Variants in FAF1 observed in about 807,000 individuals in gnomAD.
FAF1 encodes FAS-associated factor 1.
A neutral mutation model predicts 92.5 loss-of-function variants in FAF1; 25 were observed. The observed-to-expected ratio is 0.27, with a 90% CI of 0.20 to 0.38. FAF1 has a LOEUF of 0.38. Among genes scored for constraint, FAF1 ranks in the 10% least tolerant of loss-of-function variants. The pLI, the probability that FAF1 is intolerant of heterozygous loss-of-function variation, is 1.00. For missense variants in FAF1, 636 were observed against 793.3 expected, an observed-to-expected ratio of 0.80 and a Z score of 2.38; for synonymous variants, 234 against 273.2, an observed-to-expected ratio of 0.86 and a Z score of 1.42.
chr1:50,928,782 C>CAAAAAAAAAAAAAAAA lies in FAF1; in HGVS notation c.45+30969_45+30984dup, dbSNP rs1157426126. ...CAGGCAACAGTGCGAGACTCCACCT[C>CAAAAAAAAAAAAAAAA]AAAAAAAAAAAAAAAAAAAACTAGG... On this transcript the variant is annotated intron_variant, in intron 1 of 18. Transcript: ENST00000396153. Among the ~76,000 whole-genome samples the CAAAAAAAAAAAAAAAA allele has an allele frequency of 9.0e-3, 356 of 39,684 alleles. 12 individuals carry two copies. Among genetic ancestry groups the CAAAAAAAAAAAAAAAA allele is most frequent in the East Asian group, 0.018 (21 of 1,160 alleles). 26.0% of individuals were successfully genotyped at this position (39,684 alleles called of 152,430 possible).
Position 50,801,611 on chromosome 1 carries a change from G to A in FAF1, c.161+20C>T, listed in dbSNP as rs753310757. ...TTGTTCTGCTAAGTCATCTTAACTG[G>A]TAAGCACTTTATAACATACCTTTGT... On this transcript the variant is annotated intron_variant, in intron 3 of 18. Transcript: ENST00000396153. 1.4e-6 allele frequency: 2 copies of A among 1,427,922 alleles called. No individual in the cohort carries two copies. Among genetic ancestry groups the A allele is most frequent in the South Asian group, 1.2e-5 (1 of 86,624 alleles). 88.5% of individuals were successfully genotyped at this position (1,427,922 alleles called of 1,614,324 possible).
chr1:50,457,423 C>T (rs183428279), intron 18 of FAF1, among the ~76,000 whole-genome samples: 23 of 152,262 alleles, frequency 1.5e-4, no homozygotes, highest in East Asian at 1.2e-3. Context: ...GGTTAATCTG[C>T]GCACATACAC....
chr1:50,687,931 C>T (rs533465131), intron 7 of FAF1, among the ~76,000 whole-genome samples: 35 of 151,652 alleles, frequency 2.3e-4, no homozygotes, highest in Non-Finnish European at 3.7e-4. Flanking sequence ...GTCAGGAGTT[C>T]GAGACCATCT....
intron 1 of FAF1, among the ~76,000 whole-genome samples, chr1:50,952,989 T>G: frequency 6.6e-6 from 1 of 152,230 alleles, no homozygotes; most frequent in East Asian, 1.9e-4. Flanking sequence ...GAGATGGGAT[T>G]GTTGCTGTGT....
At chr1:50,614,944 G>A (rs374087774) in intron 8 of FAF1, among the ~76,000 whole-genome samples, 1 of 151,642 alleles carries the variant, frequency 6.6e-6, no homozygotes, top group African/African-American at 2.4e-5. Context: ...TTTTATGTTA[G>A]ACACAGGGAG....
chr1:50,860,453 C>T (rs1644423101), intron 1 of FAF1, among the ~76,000 whole-genome samples: 1 of 151,894 alleles, frequency 6.6e-6, no homozygotes, highest in African/African-American at 2.4e-5. Context: ...CATGAACAGA[C>T]ACTTCTCAAA....
At chr1:50,914,417 C>G (rs796839979) in intron 1 of FAF1, among the ~76,000 whole-genome samples, 14 of 152,306 alleles carry the variant, frequency 9.2e-5, no homozygotes, top group African/African-American at 3.4e-4. Context: ...AATTCTTCTT[C>G]AAGCTTACCC....
chr1:50,782,810 T>A (rs1342945937), intron 4 of FAF1, among the ~76,000 whole-genome samples: 1 of 152,212 alleles, frequency 6.6e-6, no homozygotes, highest in African/African-American at 2.4e-5. Flanking sequence ...TTATAAAGTC[T>A]GCATCAATGT....
chr1:50,563,412 G>A (rs905378407), intron 13 of FAF1, among the ~76,000 whole-genome samples: 6 of 151,276 alleles, frequency 4.0e-5, no homozygotes, highest in African/African-American at 1.5e-4. Flanking sequence ...GCAACATAAC[G>A]AGACCTTGTC....
At chr1:50,562,048 C>T (rs1649942522) in intron 13 of FAF1, among the ~76,000 whole-genome samples, 2 of 152,208 alleles carry the variant, frequency 1.3e-5, no homozygotes, top group South Asian at 4.2e-4. Flanking sequence ...GCATTTTAAC[C>T]CTGACTGAGG....
At chr1:50,875,037 GAA>G (rs1408696928) in intron 1 of FAF1, among the ~76,000 whole-genome samples, 1 of 151,518 alleles carries the variant, frequency 6.6e-6, no homozygotes, top group Non-Finnish European at 1.5e-5. Flanking sequence ...AGAAGTGTGA[GAA>G]AGTTATACCA....
intron 18 of FAF1, among the ~76,000 whole-genome samples, chr1:50,454,143 G>A (rs1020320679): frequency 2.0e-5 from 3 of 152,088 alleles, no homozygotes; most frequent in African/African-American, 7.2e-5. Flanking sequence ...GTGAAATCTG[G>A]GTCTAAATTT....
intron 1 of FAF1, among the ~76,000 whole-genome samples, chr1:50,952,551 G>A (rs534637030): frequency 2.7e-4 from 41 of 152,112 alleles, no homozygotes; most frequent in African/African-American, 8.2e-4. Flanking sequence ...AGTGAGGAGC[G>A]TCTCTGCCTG....
intron 7 of FAF1, among the ~76,000 whole-genome samples, chr1:50,674,955 A>G (rs1656055138): frequency 6.6e-6 from 1 of 151,908 alleles, no homozygotes; most frequent in African/African-American, 2.4e-5. Flanking sequence ...CAGTGGCGCG[A>G]TCTTGGCTAA....
intron 4 of FAF1, among the ~76,000 whole-genome samples, chr1:50,760,693 T>A (rs572334851): frequency 3.6e-4 from 54 of 151,854 alleles, no homozygotes; most frequent in African/African-American, 1.2e-3. Context: ...AAGCAGTATG[T>A]AGAGGGAAAT....
At chr1:50,611,435 T>C (rs1446945853) in intron 8 of FAF1, among the ~76,000 whole-genome samples, 2 of 152,216 alleles carry the variant, frequency 1.3e-5, no homozygotes, top group Non-Finnish European at 2.9e-5. Flanking sequence ...CTCAAAATTA[T>C]GCCACCTCTG....
intron 8 of FAF1, among the ~76,000 whole-genome samples, chr1:50,628,115 G>A (rs1653592759): frequency 6.6e-6 from 1 of 152,094 alleles, no homozygotes; most frequent in African/African-American, 2.4e-5. Flanking sequence ...ATGTTTCTGT[G>A]TGTGTGTATG....
chr1:50,895,981 T>C lies in FAF1; in HGVS notation c.46-37984A>G, dbSNP rs765298268. Among the ~76,000 whole-genome samples, 4 of 152,140 alleles carry C rather than the reference T, an allele frequency of 2.6e-5. 1 individual carries two copies. Among genetic ancestry groups the C allele is most frequent in the East Asian group, 3.8e-4 (2 of 5,198 alleles). On this transcript the variant is annotated intron_variant, in intron 1 of 18. Transcript: ENST00000396153. ...AAAACTAAAAGTCTTTCTTCTAAGA[T>C]TGGGAACACAAGGATGCCCACTTTC...
chr1:50,785,392 TAAAATAC>T (rs1661325972), intron 4 of FAF1, among the ~76,000 whole-genome samples: 1 of 151,816 alleles, frequency 6.6e-6, no homozygotes. Flanking sequence ...AATAAGGGGT[TAAAATAC>T]AAAATACAGA....
Sources: allele counts gnomAD v4.1 joint callset (sites outside exome capture counted in the v4.1 genomes callset), GRCh38; gene constraint gnomAD v4.1.1; transcripts MANE v1.5; gene names NCBI Gene and HGNC (gene_info 2026-07-23, HGNC 2026-07-21).